Variants in TSG101 observed in about 807,000 individuals in gnomAD.
TSG101 encodes tumor susceptibility gene 101 protein.
In TSG101, 19 loss-of-function variants were observed where a neutral mutation model predicts 48.5. The ratio of observed to expected loss-of-function variants is 0.39; its 90% CI spans 0.27 to 0.58. The LOEUF is 0.58. TSG101 is among the 20% of genes least tolerant of loss of function. TSG101 has a pLI of 0.55. For synonymous variants in TSG101, 174 were observed against 169.4 expected, an observed-to-expected ratio of 1.03 and a Z score of -0.21; for missense variants, 365 against 484.4, an observed-to-expected ratio of 0.75 and a Z score of 2.31.
In TSG101 at chr11:18,516,151, G is replaced by C. The variant is rs775461153; in HGVS notation, c.141C>G (p.Gly47=). 8.1e-6 allele frequency: 13 copies of C among 1,613,452 alleles called. No individual in the cohort carries two copies. The highest frequency in any genetic ancestry group is 1.7e-5 in the Admixed American group (1 of 59,990). Residue 47 remains glycine, a synonymous_variant, in exon 3 of 10, where the codon GGC becomes GGG. Coordinates refer to ENST00000251968, the MANE Select transcript of TSG101 (RefSeq NM_006292.4). ...PVLDSYVFND[G]SSRELMNLTG... ...TGAGGTTCATTAGTTCCCTGGAACTGCCATCGTTAAAAACTGAAAGGAAAG... is the reference window on the plus strand; with the variant it reads ...TGAGGTTCATTAGTTCCCTGGAACTCCCATCGTTAAAAACTGAAAGGAAAG...
At position 18,481,613 on chromosome 11, in the gene TSG101, G is replaced by A. The variant is rs199602141; in HGVS notation, c.1083+17C>T. 2.3e-5 allele frequency: 37 copies of A among 1,603,292 alleles called. No individual in the cohort carries two copies. The highest frequency in any genetic ancestry group is 1.2e-4 in the African/African-American group (9 of 74,338). ...AACCCAAGTTAAAAAATCTTGGAAC[G>A]TAAAATGAAGAAATACCTTCAGGAA... On this transcript the variant is annotated intron_variant, in intron 9 of 9. Coordinates refer to ENST00000251968, the MANE Select transcript of TSG101 (RefSeq NM_006292.4).
At chr11:18,508,324 T>G (rs1049420810) in intron 5 of TSG101, among the ~76,000 whole-genome samples, 1 of 150,436 alleles carries the variant, frequency 6.6e-6, no homozygotes, top group African/African-American at 2.4e-5. Context: ...GCCTCCCGAG[T>G]AGCTGGGACT....
chr11:18,519,555 G>A lies in TSG101; in HGVS notation c.91C>T (p.Leu31=), dbSNP rs1417426806. 8 of 1,612,878 alleles carry A rather than the reference G, an allele frequency of 5.0e-6. No homozygotes were observed. In the South Asian group the frequency reaches 8.8e-5, roughly 18 times the overall value. Residue 31 remains leucine, a synonymous_variant, in exon 2 of 10, where the codon CTA becomes TTA. Coordinates refer to ENST00000251968, the MANE Select transcript of TSG101 (RefSeq NM_006292.4). The part of the protein sequence containing the change: ...TVRETVNVIT[L]YKDLKPVLDS... ...AAAACAGGTTTGAGATCTTTGTATAGAGTAATAACATTGACAGTTTCACGT... is the reference window on the plus strand; with the variant it reads ...AAAACAGGTTTGAGATCTTTGTATAAAGTAATAACATTGACAGTTTCACGT...
At chr11:18,503,193 A>G (rs1390358376) in intron 6 of TSG101, among the ~76,000 whole-genome samples, 1 of 152,166 alleles carries the variant, frequency 6.6e-6, no homozygotes, top group African/African-American at 2.4e-5. Flanking sequence ...CATTTATAAC[A>G]TCCCTGACAA....
intron 1 of TSG101, 131 bp downstream of exon 1, chr11:18,526,644 A>T: frequency 9.4e-7 from 1 of 1,059,256 alleles, no homozygotes; most frequent in Non-Finnish European, 1.3e-6. Flanking sequence ...GGTTCTGAGG[A>T]GGTCGCTAAG....
In TSG101 at chr11:18,480,453, A is replaced by T; in HGVS notation, c.*93T>A. The T allele has an allele frequency of 1.1e-6, 1 of 914,578 alleles. No homozygotes were observed. Among genetic ancestry groups the T allele is most frequent in the Non-Finnish European group, 1.7e-6 (1 of 605,284 alleles). The allele number at this position is 914,578 out of a possible 1,614,324, so 56.7% of individuals were successfully genotyped here. A position where few individuals can be genotyped will look rare whatever the true frequency, so the allele number is the denominator to read the frequency against. The stretch of plus-strand genomic sequence containing the variant: ...ATTCAAAATATTTTACACTTGAATG[A>T]TAAACTGCAATAACTTATTCTGGGC... On this transcript the variant is annotated 3_prime_UTR_variant, in exon 10 of 10. Coordinates refer to ENST00000251968, the MANE Select transcript of TSG101 (RefSeq NM_006292.4).
At position 18,514,956 on chromosome 11, in the gene TSG101, C is replaced by A. The variant is rs1850147529; in HGVS notation, c.194-115G>T. On this transcript the variant is annotated intron_variant, in intron 3 of 9. Coordinates refer to ENST00000251968, the MANE Select transcript of TSG101 (RefSeq NM_006292.4). ...AATTTATACATATATCCGCATCCCCCCCATTCCTATTTCCCCCAGCAGAAT... is the reference window on the plus strand; with the variant it reads ...AATTTATACATATATCCGCATCCCCACCATTCCTATTTCCCCCAGCAGAAT... The A allele has an allele frequency of 1.3e-5, 12 of 938,062 alleles. No individual in the cohort carries two copies. In the South Asian group the frequency reaches 2.5e-4, roughly 19 times the overall value. The allele number at this position is 938,062 out of a possible 1,614,324, so 58.1% of individuals were successfully genotyped here. A position where few individuals can be genotyped will look rare whatever the true frequency, so the allele number is the denominator to read the frequency against.
In TSG101 at chr11:18,481,869, C is replaced by T. The variant is rs1849546586; in HGVS notation, c.844G>A (p.Ala282Thr). The change falls in exon 9 of 10, where the codon GCC becomes ACC. Residue 282 changes from alanine to threonine, a missense_variant and splice_region_variant. By Grantham distance (58) the Ala-to-Thr change is moderately conservative. Transcript: ENST00000251968. ...AGTTCTATGTTTTTATCAACCTCGG[C>T]CTGAAAACAGAACAGTCCAAGCATT... ...EMVTRLDQEVAEVDKNIELLK... is the reference protein window; with the variant it reads ...EMVTRLDQEVTEVDKNIELLK... 2 of 1,612,428 alleles carry T rather than the reference C, an allele frequency of 1.2e-6. No homozygotes were observed. Among genetic ancestry groups the T allele is most frequent in the Non-Finnish European group, 1.7e-6 (2 of 1,179,964 alleles).
Position 18,502,412 on chromosome 11 carries a change from G to A in TSG101, c.640+74C>T, listed in dbSNP as rs1015785453. The A allele has an allele frequency of 2.4e-6, 3 of 1,236,358 alleles. No homozygotes were observed. The African/African-American group carries it at 4.5e-5, about 19-fold the overall frequency. The allele number at this position is 1,236,358 out of a possible 1,614,324, so 76.6% of individuals were successfully genotyped here. A position where few individuals can be genotyped will look rare whatever the true frequency, so the allele number is the denominator to read the frequency against. ...AGAAAGAGTAGTCCAAAATTCACAA[G>A]TGAAATGTGCTTTTCACAACAGGGA... On this transcript the variant is annotated intron_variant, in intron 7 of 9. Coordinates refer to ENST00000251968, the MANE Select transcript of TSG101 (RefSeq NM_006292.4).
Position 18,516,179 on chromosome 11 carries a change from C to T in TSG101, c.128-15G>A, listed in dbSNP as rs764815398. ...ATCGTTAAAAACTGAAAGGAAAGAACAATGATTTAATCATGAGCATTTTTT... is the reference window on the plus strand; with the variant it reads ...ATCGTTAAAAACTGAAAGGAAAGAATAATGATTTAATCATGAGCATTTTTT... On this transcript the variant is annotated splice_polypyrimidine_tract_variant and intron_variant, in intron 2 of 9. Coordinates refer to ENST00000251968, the MANE Select transcript of TSG101 (RefSeq NM_006292.4). The T allele has an allele frequency of 6.8e-6, 11 of 1,611,762 alleles. No homozygotes were observed. The highest frequency in any genetic ancestry group is 8.5e-6 in the Non-Finnish European group (10 of 1,178,480).
At chr11:18,482,369 G>GAATTCTAA (rs1330872241) in intron 8 of TSG101, among the ~76,000 whole-genome samples, 1 of 152,192 alleles carries the variant, frequency 6.6e-6, no homozygotes, top group Non-Finnish European at 1.5e-5. Flanking sequence ...TCACTTTCCT[G>GAATTCTAA]AATTCTAAAA....
At chr11:18,496,886 T>C (rs114371448) in intron 7 of TSG101, among the ~76,000 whole-genome samples, 2,433 of 152,088 alleles carry the variant, frequency 0.016, 71 homozygotes, top group African/African-American at 0.055. Flanking sequence ...GGAGTTGCAG[T>C]TGGAGATCAG....
intron 7 of TSG101, among the ~76,000 whole-genome samples, chr11:18,494,444 C>A (rs1277884456): frequency 6.6e-6 from 1 of 152,176 alleles, no homozygotes; most frequent in African/African-American, 2.4e-5. Context: ...TCCTACCTTT[C>A]CTTTACTAAC....
At chr11:18,496,793 C>CA (rs1262693920) in intron 7 of TSG101, among the ~76,000 whole-genome samples, 1 of 151,900 alleles carries the variant, frequency 6.6e-6, no homozygotes, top group Non-Finnish European at 1.5e-5. Flanking sequence ...GATCCTGTAT[C>CA]AAAAAACAAG....
chr11:18,494,201 A>G (rs1849741553), intron 7 of TSG101, among the ~76,000 whole-genome samples: 1 of 152,244 alleles, frequency 6.6e-6, no homozygotes, highest in African/African-American at 2.4e-5. Flanking sequence ...ACAGTGTGAC[A>G]AAATCATTCA....
chr11:18,510,647 C>T (rs1468863940), intron 4 of TSG101, among the ~76,000 whole-genome samples: 1 of 152,158 alleles, frequency 6.6e-6, no homozygotes, highest in Non-Finnish European at 1.5e-5. Flanking sequence ...GCAGGAGGAT[C>T]AAATAAGGCT....
At chr11:18,521,048 A>T (rs968448882) in intron 1 of TSG101, among the ~76,000 whole-genome samples, 2 of 151,342 alleles carry the variant, frequency 1.3e-5, no homozygotes, top group Admixed American at 6.6e-5. Flanking sequence ...AAAAAAAAAA[A>T]TTTGCTTTTA....
At chr11:18,484,340 T>G (rs1849589291) in intron 7 of TSG101, among the ~76,000 whole-genome samples, 1 of 152,208 alleles carries the variant, frequency 6.6e-6, no homozygotes. Flanking sequence ...AGTTATTTTC[T>G]CAATGAGACA....
intron 7 of TSG101, among the ~76,000 whole-genome samples, chr11:18,499,292 A>G (rs1406508726): frequency 1.8e-5 from 2 of 110,616 alleles, no homozygotes; most frequent in Non-Finnish European, 3.6e-5. Flanking sequence ...TATCATATAT[A>G]TTTATATTTA....
Sources: gnomAD v4.1 joint callset for allele counts (sites outside exome capture counted in the v4.1 genomes callset) on GRCh38, gnomAD v4.1.1 for gene constraint, MANE v1.5 for transcripts, NCBI Gene and HGNC (gene_info 2026-07-23, HGNC 2026-07-21) for gene names.